The following GRM5 variants were observed in gnomAD, a reference collection of about 807,000 sequenced individuals.
GRM5 encodes metabotropic glutamate receptor 5.
In GRM5, 19 loss-of-function variants were observed where a neutral mutation model predicts 83.1. The ratio of observed to expected loss-of-function variants is 0.23; its 90% confidence interval spans 0.16 to 0.34. The LOEUF (loss-of-function observed/expected upper bound fraction) is 0.34, where lower values mean the gene tolerates loss of function less well. Among genes scored for constraint, GRM5 ranks in the 10% least tolerant of loss-of-function variants. The pLI is 1.00. For synonymous variants in GRM5, 675 were observed against 633.6 expected (o/e 1.07, Z -0.98); for missense variants, 1,160 against 1,588.3 (o/e 0.73, Z 4.58).
rs1945596930 is a variant in GRM5, at chr11:88,916,633, T to C, written c.662-66478A>G. Among the ~76,000 whole-genome samples the C allele has an allele frequency of 2.6e-5, 4 of 152,008 alleles. No homozygotes were observed. The South Asian group carries it at 8.3e-4, about 32-fold the overall frequency. On this transcript the variant is annotated intron_variant, in intron 2 of 9. Transcript: ENST00000305447. ...GGGCAGTCTTGGTGCTTTGCTGGGC[T>C]TGGAGCCAGTGGACTTGGGGTGCAT... is the stretch of plus-strand genomic sequence containing the variant.
intron 4 of GRM5, among the ~76,000 whole-genome samples, chr11:88,635,845 T>A (rs1285881730): frequency 6.6e-6 from 1 of 152,202 alleles, no homozygotes; most frequent in Non-Finnish European, 1.5e-5. Context: ...TAATTCACGT[T>A]GAGTTGATTC....
intron 2 of GRM5, among the ~76,000 whole-genome samples, chr11:89,019,315 A>G (rs1028109415): frequency 6.6e-6 from 1 of 152,054 alleles, no homozygotes; most frequent in African/African-American, 2.4e-5. Context: ...TTTATGTTAC[A>G]CTTGATCACC....
At chr11:89,022,940 A>G (rs964176685) in intron 2 of GRM5, among the ~76,000 whole-genome samples, 9 of 152,200 alleles carry the variant, frequency 5.9e-5, no homozygotes, top group Non-Finnish European at 1.3e-4. Context: ...TCTGTTTAAA[A>G]TGTCTCATCC....
At chr11:88,833,382 A>T (rs1344979844) in intron 3 of GRM5, among the ~76,000 whole-genome samples, 1 of 152,168 alleles carries the variant, frequency 6.6e-6, no homozygotes, top group South Asian at 2.1e-4. Context: ...ACATGAAGGA[A>T]TGCTCCACAT....
At chr11:88,620,493 G>A (rs1028518187) in intron 4 of GRM5, among the ~76,000 whole-genome samples, 1 of 152,152 alleles carries the variant, frequency 6.6e-6, no homozygotes, top group Admixed American at 6.6e-5. Context: ...GTTGAAGGTG[G>A]AATAGACTTA....
chr11:88,555,822 ACAGC>A (rs1185190267), intron 8 of GRM5, among the ~76,000 whole-genome samples: 1 of 152,142 alleles, frequency 6.6e-6, no homozygotes, highest in Non-Finnish European at 1.5e-5. Flanking sequence ...CTCACCAAAT[ACAGC>A]TTCATATTAT....
chr11:88,866,057 G>A (rs183842197), intron 2 of GRM5, among the ~76,000 whole-genome samples: 1 of 152,098 alleles, frequency 6.6e-6, no homozygotes. Flanking sequence ...CCATTACTGA[G>A]TATATACCCA....
At chr11:88,786,910 T>A (rs948531451) in intron 3 of GRM5, among the ~76,000 whole-genome samples, 4 of 152,106 alleles carry the variant, frequency 2.6e-5, no homozygotes, top group African/African-American at 7.2e-5. Context: ...AATCTATAAA[T>A]GTTTGTAGAA....
At chr11:88,558,300 G>GTAAATACAGCC (rs1446709109) in intron 8 of GRM5, among the ~76,000 whole-genome samples, 1 of 152,114 alleles carries the variant, frequency 6.6e-6, no homozygotes, top group East Asian at 1.9e-4. Flanking sequence ...AGGTGAGTTT[G>GTAAATACAGCC]TAAATACAGC....
chr11:89,047,978 AAATTAGCCAGC>A lies in GRM5; in HGVS notation c.-117_-107del. 1.3e-6 allele frequency: 1 copy of A among 774,710 alleles called. No homozygotes were observed. The highest frequency in any genetic ancestry group is 2.1e-6 in the Non-Finnish European group (1 of 473,596). 48.0% of individuals were successfully genotyped at this position (774,710 alleles called of 1,614,324 possible). A position where few individuals can be genotyped will look rare whatever the true frequency, so the allele number is the denominator to read the frequency against. ...GTCCTACGTTGAGTCGCAAATCAAG[AAATTAGCCAGC>A]AATTCAGATGTATTTTCTAAAGGAC... is the stretch of plus-strand genomic sequence containing the variant. On this transcript the variant is annotated 5_prime_UTR_variant, in exon 2 of 10. Coordinates refer to ENST00000305447, the MANE Select transcript of GRM5 (RefSeq NM_001143831.3). This position sits in a 1 kb window ranked among gnomAD's most constrained non-coding sequence, Gnocchi z 5.1.
At chr11:89,055,023 T>C (rs1304796669) in intron 1 of GRM5, among the ~76,000 whole-genome samples, 1 of 152,238 alleles carries the variant, frequency 6.6e-6, no homozygotes, top group Non-Finnish European at 1.5e-5. Context: ...ACTTTCTCCC[T>C]TGAGACCTTA....
At chr11:88,907,387 T>G (rs1354590127) in intron 2 of GRM5, among the ~76,000 whole-genome samples, 2 of 151,984 alleles carry the variant, frequency 1.3e-5, no homozygotes, top group African/African-American at 4.8e-5. Flanking sequence ...CTGCTAGTAG[T>G]GCCACACAAG....
At position 88,687,525 on chromosome 11, in the gene GRM5, CATACAT is replaced by C. The variant is rs1332845302; in HGVS notation, c.912-34128_912-34123del. ...ATACACACACACACACACACACACA[CATACAT>C]ATATATACACACACACACACACATA... On this transcript the variant is annotated intron_variant, in intron 3 of 9. Transcript: ENST00000305447. Among the ~76,000 whole-genome samples the C allele has an allele frequency of 2.4e-3, 63 of 26,150 alleles. 3 individuals are homozygous for C. Among genetic ancestry groups the C allele is most frequent in the East Asian group, 1.4e-3 (1 of 734 alleles). 17.2% of individuals were successfully genotyped at this position (26,150 alleles called of 152,430 possible).
chr11:88,645,089 A>G (rs2135292338), intron 4 of GRM5, among the ~76,000 whole-genome samples: 1 of 152,264 alleles, frequency 6.6e-6, no homozygotes, highest in Non-Finnish European at 1.5e-5. Flanking sequence ...TGACATTGCT[A>G]CAACCCAGAG....
chr11:88,845,213 C>A lies in GRM5; in HGVS notation c.911+4693G>T, dbSNP rs540297388. 2.0e-5 allele frequency among the ~76,000 whole-genome samples: 3 copies of A among 152,014 alleles called. No homozygotes were observed. In the East Asian group the frequency reaches 5.8e-4, roughly 29 times the overall value. ...TTTTAAGAAATTGCCACAGCCACTGCCACCTTCAGCAATTGCCACCCTAAT... is the reference window on the plus strand; with the variant it reads ...TTTTAAGAAATTGCCACAGCCACTGACACCTTCAGCAATTGCCACCCTAAT... On this transcript the variant is annotated intron_variant, in intron 3 of 9. Transcript: ENST00000305447.
chr11:88,727,013 T>C (rs528890949), intron 3 of GRM5, among the ~76,000 whole-genome samples: 2 of 152,294 alleles, frequency 1.3e-5, no homozygotes, highest in Admixed American at 6.5e-5. Context: ...AGCATCATAA[T>C]GACAGGATTA....
chr11:89,029,137 T>A (rs766644506), intron 2 of GRM5, among the ~76,000 whole-genome samples: 1 of 152,230 alleles, frequency 6.6e-6, no homozygotes, highest in African/African-American at 2.4e-5. Flanking sequence ...TGCATAGTAT[T>A]CCATGGTTTA....
chr11:88,613,522 T>C (rs1938384915), intron 4 of GRM5, among the ~76,000 whole-genome samples: 1 of 152,226 alleles, frequency 6.6e-6, no homozygotes, highest in African/African-American at 2.4e-5. Flanking sequence ...TTTTTTGTTT[T>C]CCATTTGCCT....
intron 2 of GRM5, among the ~76,000 whole-genome samples, chr11:89,044,419 G>T (rs1208380766): frequency 6.6e-6 from 1 of 152,128 alleles, no homozygotes; most frequent in African/African-American, 2.4e-5. Flanking sequence ...AATAGCAAGT[G>T]TAAGAGATTA....
Sources: gnomAD v4.1 joint callset for allele counts (sites outside exome capture counted in the v4.1 genomes callset) on GRCh38, gnomAD v4.1.1 for gene constraint, Gnocchi (gnomAD v3.1) non-coding constraint, MANE v1.5 for transcripts, NCBI Gene and HGNC (gene_info 2026-07-23, HGNC 2026-07-21) for gene names.